The following GALNT17 variants were observed in gnomAD, a reference collection of about 807,000 sequenced individuals.
The protein encoded by GALNT17 is UDP-GalNAc:polypeptide N-acetylgalactosaminyltransferase-like 3.
A neutral mutation model predicts 63.7 loss-of-function variants in GALNT17; 29 were observed. The ratio of observed to expected loss-of-function variants is 0.46; its 90% CI spans 0.34 to 0.62. The LOEUF is 0.62. Among genes scored for constraint, GALNT17 ranks in the 20% least tolerant of loss-of-function variants. The probability of loss-of-function intolerance (pLI) is 0.01; values close to 1 mark genes in which losing one functional copy is unlikely to be tolerated. For synonymous variants in GALNT17, 305 were observed against 318.3 expected, an observed-to-expected ratio of 0.96 and a Z score of 0.45; for missense variants, 603 against 799.6, an observed-to-expected ratio of 0.75 and a Z score of 2.97.
At chr7:71,650,441 G>A (rs1283105438) in intron 6 of GALNT17, among the ~76,000 whole-genome samples, 1 of 152,122 alleles carries the variant, frequency 6.6e-6, no homozygotes, top group Non-Finnish European at 1.5e-5. Context: ...TAGAGACAAG[G>A]TTTTGTCATG....
chr7:71,411,490 T>A (rs2116421153), intron 3 of GALNT17, among the ~76,000 whole-genome samples: 1 of 152,258 alleles, frequency 6.6e-6, no homozygotes, highest in African/African-American at 2.4e-5. Flanking sequence ...GGGGCCTTGT[T>A]TTACTTGGCT....
intron 5 of GALNT17, among the ~76,000 whole-genome samples, chr7:71,464,901 G>A (rs1583977453): frequency 6.6e-6 from 1 of 152,308 alleles, no homozygotes; most frequent in African/African-American, 2.4e-5. Flanking sequence ...GTGCAGGACA[G>A]CCAATAAGTA....
intron 1 of GALNT17, among the ~76,000 whole-genome samples, chr7:71,170,680 T>C (rs1188274369): frequency 6.6e-6 from 1 of 152,052 alleles, no homozygotes; most frequent in African/African-American, 2.4e-5. Flanking sequence ...TTTGAGTGTG[T>C]GTGTACATGT....
At chr7:71,535,456 G>A (rs1265845273) in intron 5 of GALNT17, among the ~76,000 whole-genome samples, 1 of 152,090 alleles carries the variant, frequency 6.6e-6, no homozygotes, top group East Asian at 1.9e-4. Flanking sequence ...CTGTCGATGA[G>A]GACACCCAGA....
At chr7:71,500,355 T>A (rs1173818860) in intron 5 of GALNT17, among the ~76,000 whole-genome samples, 1 of 152,206 alleles carries the variant, frequency 6.6e-6, no homozygotes, top group African/African-American at 2.4e-5. Context: ...CCACTGTTTG[T>A]TGACTGCACG....
chr7:71,684,804 T>A (rs990547117), intron 9 of GALNT17, among the ~76,000 whole-genome samples: 1 of 152,138 alleles, frequency 6.6e-6, no homozygotes, highest in African/African-American at 2.4e-5. Flanking sequence ...CTGGGACTAC[T>A]GGTTATGAAC....
At chr7:71,694,656 A>G (rs558220454) in intron 9 of GALNT17, among the ~76,000 whole-genome samples, 1 of 152,304 alleles carries the variant, frequency 6.6e-6, no homozygotes, top group African/African-American at 2.4e-5. Flanking sequence ...TCGGCCTCCT[A>G]AAGTGCTGGG....
At chr7:71,313,548 T>G (rs772058648) in intron 1 of GALNT17, among the ~76,000 whole-genome samples, 2 of 152,174 alleles carry the variant, frequency 1.3e-5, no homozygotes, top group Non-Finnish European at 2.9e-5. Context: ...TAGGAAAGAA[T>G]AATTATTTAC....
chr7:71,456,016 C>T (rs1787348957), intron 5 of GALNT17, among the ~76,000 whole-genome samples: 1 of 152,074 alleles, frequency 6.6e-6, no homozygotes, highest in South Asian at 2.1e-4. Flanking sequence ...GAGGCTGAGG[C>T]GGGCAGATCA....
intron 1 of GALNT17, among the ~76,000 whole-genome samples, chr7:71,167,996 G>GT (rs1168839608): frequency 6.6e-6 from 1 of 152,136 alleles, no homozygotes; most frequent in Admixed American, 6.5e-5. Context: ...ATAGTTTTAG[G>GT]TTTTACATTT....
At chr7:71,154,180 C>T (rs902422047) in intron 1 of GALNT17, among the ~76,000 whole-genome samples, 7 of 151,874 alleles carry the variant, frequency 4.6e-5, no homozygotes, top group Middle Eastern at 3.2e-3. Flanking sequence ...ATACCGGCTT[C>T]GCTGAAGCCC....
At chr7:71,531,778 G>C (rs1584029871) in intron 5 of GALNT17, among the ~76,000 whole-genome samples, 2 of 152,270 alleles carry the variant, frequency 1.3e-5, no homozygotes, top group East Asian at 3.9e-4. Context: ...AAAGATAGTA[G>C]ATCAGCGGGG....
chr7:71,513,932 C>G (rs951485289), intron 5 of GALNT17, among the ~76,000 whole-genome samples: 1 of 152,128 alleles, frequency 6.6e-6, no homozygotes, highest in African/African-American at 2.4e-5. Context: ...TGGCTTATGC[C>G]GGTCATCCCA....
At chr7:71,284,481 C>A (rs1790836312) in intron 1 of GALNT17, 1 of 152,186 alleles carries the variant, frequency 6.6e-6, no homozygotes, top group African/African-American at 2.4e-5. Flanking sequence ...CAGGCGTGAG[C>A]CACCACACCA....
intron 5 of GALNT17, among the ~76,000 whole-genome samples, chr7:71,505,966 A>C (rs1563142528): frequency 6.6e-6 from 1 of 152,118 alleles, no homozygotes; most frequent in Non-Finnish European, 1.5e-5. Flanking sequence ...CATTGTGTTG[A>C]TCTCTCTTTC....
chr7:71,363,043 C>G (rs959180019), intron 2 of GALNT17, among the ~76,000 whole-genome samples: 1 of 152,016 alleles, frequency 6.6e-6, no homozygotes, highest in African/African-American at 2.4e-5. Context: ...CTCAGCTGAC[C>G]GCAACCTCCA....
chr7:71,135,459 C>T lies in GALNT17; in HGVS notation c.238+2419C>T, dbSNP rs546894868. On this transcript the variant is annotated intron_variant, in intron 1 of 10. Coordinates refer to ENST00000333538, the MANE Select transcript of GALNT17 (RefSeq NM_022479.3). ...CTTGCGAGATGGGTGCTCTGACACC[C>T]GCCTGAACAACTTGCTCACAGTCAC... Among the ~76,000 whole-genome samples the T allele has an allele frequency of 8.5e-5, 13 of 152,280 alleles. 1 individual carries two copies. The South Asian group carries it at 1.0e-3, about 12-fold the overall frequency.
intron 1 of GALNT17, among the ~76,000 whole-genome samples, chr7:71,143,215 A>T (rs1787949257): frequency 6.6e-6 from 1 of 151,954 alleles, no homozygotes; most frequent in Admixed American, 6.6e-5. Context: ...TGAGGTCAGG[A>T]GTTCAAGACC....
At chr7:71,155,719 C>G (rs901676817) in intron 1 of GALNT17, among the ~76,000 whole-genome samples, 1 of 151,716 alleles carries the variant, frequency 6.6e-6, no homozygotes, top group East Asian at 1.9e-4. Flanking sequence ...TTTGGTGTTT[C>G]TATAAATAAC....
Sources: gnomAD v4.1 joint callset for allele counts (sites outside exome capture counted in the v4.1 genomes callset) on GRCh38, gnomAD v4.1.1 for gene constraint, MANE v1.5 for transcripts, NCBI Gene and HGNC (gene_info 2026-07-23, HGNC 2026-07-21) for gene names.